DPCD: variants seen among roughly 807,000 people sequenced by gnomAD.
DPCD encodes the protein protein DPCD.
A neutral mutation model predicts 26.4 loss-of-function variants in DPCD; 20 were observed. The ratio of observed to expected loss-of-function variants is 0.76; its 90% CI spans 0.53 to 1.10. DPCD has a LOEUF of 1.10. DPCD is among the 50% of genes least tolerant of loss of function. The pLI is 0.00. For synonymous variants in DPCD, 97 were observed against 94.2 expected (o/e 1.03, Z -0.17); for missense variants, 202 against 253.9 (o/e 0.80, Z 1.39).
intron 2 of DPCD, among the ~76,000 whole-genome samples, chr10:101,599,195 A>G (rs979225580): frequency 6.6e-6 from 1 of 152,202 alleles, no homozygotes. Flanking sequence ...TTCCTATAGT[A>G]TAGAGTAGGG....
chr10:101,593,009 T>TAAAAAAAAAAAAAC (rs1554920603), intron 1 of DPCD, among the ~76,000 whole-genome samples: 13 of 147,336 alleles, frequency 8.8e-5, no homozygotes, highest in African/African-American at 2.3e-4. Context: ...CGAGACTCTG[T>TAAAAAAAAAAAAAC]CAAAAAAAAA....
At chr10:101,588,987 G>C (rs1380205614) in intron 1 of DPCD, among the ~76,000 whole-genome samples, 1 of 152,258 alleles carries the variant, frequency 6.6e-6, no homozygotes. Flanking sequence ...CAAGGGCTGT[G>C]CCTGGAAGAA....
intron 4 of DPCD, among the ~76,000 whole-genome samples, chr10:101,607,247 T>C (rs2134782729): frequency 6.6e-6 from 1 of 152,258 alleles, no homozygotes; most frequent in Admixed American, 6.5e-5. Context: ...CCTTTGACTC[T>C]CCCCTATTAT....
At chr10:101,591,886 A>G (rs547339964) in intron 1 of DPCD, among the ~76,000 whole-genome samples, 5 of 151,954 alleles carry the variant, frequency 3.3e-5, no homozygotes, top group Non-Finnish European at 5.9e-5. Flanking sequence ...GGGTTTCACC[A>G]TGTTAACCAG....
At chr10:101,606,159 T>TA (rs1267266213) in intron 4 of DPCD, among the ~76,000 whole-genome samples, 1 of 152,166 alleles carries the variant, frequency 6.6e-6, no homozygotes, top group Non-Finnish European at 1.5e-5. Context: ...TCAGCAGGGA[T>TA]ATGGCCTTGT....
intron 1 of DPCD, among the ~76,000 whole-genome samples, chr10:101,591,491 C>A (rs1376249848): frequency 1.3e-5 from 2 of 152,022 alleles, no homozygotes; most frequent in African/African-American, 2.4e-5. Context: ...CAGATTTACC[C>A]CTGGGTGTGT....
intron 2 of DPCD, among the ~76,000 whole-genome samples, chr10:101,595,163 C>T (rs943830317): frequency 6.6e-6 from 1 of 152,194 alleles, no homozygotes; most frequent in Non-Finnish European, 1.5e-5. Context: ...AGAGGCAGAG[C>T]TTCTGAGCTT....
At chr10:101,608,777 C>G (rs1412529641) in intron 4 of DPCD, 58 bp from the exon 5 acceptor site, 1 of 1,182,382 alleles carries the variant, frequency 8.5e-7, no homozygotes, top group Admixed American at 1.7e-5. Flanking sequence ...GAGGGCCTGA[C>G]GCCTGGCTGT....
intron 1 of DPCD, among the ~76,000 whole-genome samples, chr10:101,593,777 G>A (rs1407478053): frequency 1.3e-5 from 2 of 152,144 alleles, no homozygotes; most frequent in African/African-American, 4.8e-5. Flanking sequence ...TTTTAGTAGA[G>A]ATGGGGTTTC....
Position 101,605,051 on chromosome 10 carries a change from C to T in DPCD, c.404+3715C>T. 4 of 1,537,808 alleles carry T rather than the reference C, an allele frequency of 2.6e-6. No individual in the cohort carries two copies. In the South Asian group the frequency reaches 3.6e-5, roughly 14 times the overall value. On this transcript the variant is annotated intron_variant, in intron 4 of 5. Transcript: ENST00000370151. ...CTTTAGTATGTGTGTGTGATTGTGA[C>T]TGTCTAGCAGGGGGCGACTGTGGGT...
chr10:101,599,624 G>C (rs2063677614), intron 2 of DPCD, among the ~76,000 whole-genome samples: 1 of 152,228 alleles, frequency 6.6e-6, no homozygotes, highest in South Asian at 2.1e-4. Flanking sequence ...ATTTGACACA[G>C]CTGCTCAAAA....
chr10:101,603,543 A>G lies in DPCD; in HGVS notation c.404+2207A>G, dbSNP rs2063713744. 6.6e-6 allele frequency among the ~76,000 whole-genome samples: 1 copy of G among 151,804 alleles called. No homozygotes were observed. The highest frequency in any genetic ancestry group is 1.5e-5 in the Non-Finnish European group (1 of 67,974). ...GAAGCCAAGGCAGGTGGATCATCTGAGGTCAGGAGTTTGAGACCAGCCTGG... is the reference window on the plus strand; with the variant it reads ...GAAGCCAAGGCAGGTGGATCATCTGGGGTCAGGAGTTTGAGACCAGCCTGG... On this transcript the variant is annotated intron_variant, in intron 4 of 5. Coordinates refer to ENST00000370151, the MANE Select transcript of DPCD (RefSeq NM_015448.3). This position sits in a 1 kb window ranked among gnomAD's most constrained non-coding sequence, Gnocchi z 4.6.
chr10:101,609,506 G>A lies in DPCD; in HGVS notation c.*35G>A, dbSNP rs1564898121. On this transcript the variant is annotated 3_prime_UTR_variant, in exon 6 of 6. Transcript: ENST00000370151. The stretch of plus-strand genomic sequence containing the variant: ...GAGCCTTATACCTCCACCACAGGGG[G>A]TGCCGTGAGACTTCAAGGCTTGGCC... The A allele has an allele frequency of 6.3e-7, 1 of 1,587,550 alleles. No individual in the cohort carries two copies. Among genetic ancestry groups the A allele is most frequent in the Non-Finnish European group, 8.6e-7 (1 of 1,159,484 alleles).
chr10:101,594,289 T>C (rs1344066134), intron 1 of DPCD, among the ~76,000 whole-genome samples: 1 of 152,206 alleles, frequency 6.6e-6, no homozygotes, highest in Non-Finnish European at 1.5e-5. Context: ...GAGGCACACA[T>C]GAGGATGTGA....
At position 101,600,369 on chromosome 10, in the gene DPCD, A is replaced by G. The variant is rs1212380891; in HGVS notation, c.146-369A>G. On this transcript the variant is annotated intron_variant, in intron 2 of 5. Coordinates refer to ENST00000370151, the MANE Select transcript of DPCD (RefSeq NM_015448.3). This position sits in a 1 kb window ranked among gnomAD's most constrained non-coding sequence, Gnocchi z 4.7. ...TGCTTCAACTCCTTTTTGGGATCCAAATTTTCTCCATTACCAGAAACAACC... is the reference window on the plus strand; with the variant it reads ...TGCTTCAACTCCTTTTTGGGATCCAGATTTTCTCCATTACCAGAAACAACC... 2.0e-5 allele frequency among the ~76,000 whole-genome samples: 3 copies of G among 152,048 alleles called. No individual in the cohort carries two copies. Among genetic ancestry groups the G allele is most frequent in the Non-Finnish European group, 2.9e-5 (2 of 67,994 alleles).
rs753260026 is a variant in DPCD at position 101,608,885 on chromosome 10, T to C, written c.455T>C (p.Leu152Pro). 3 of 1,613,896 alleles carry C rather than the reference T, an allele frequency of 1.9e-6. No homozygotes were observed. The highest frequency in any genetic ancestry group is 1.7e-5 in the Admixed American group (1 of 60,008). Residue 152 changes from leucine (L) to proline (P), a missense_variant, in exon 5 of 6, where the codon CTG becomes CCG. By Grantham distance (98) the Leu-to-Pro change is moderately conservative. This residue lies in a region of DPCD where 118 missense variants were observed against 145.1 expected (regional missense o/e 0.81). Transcript: ENST00000370151. Reference protein sequence around the residue: ...IPDLDRHQLPLDDALLSFAHA... With the variant: ...IPDLDRHQLPPDDALLSFAHA... ...GATCTAGATAGACACCAGCTACCTC[T>C]GGATGACGCCTTGCTGAGCTTTGCC... is the stretch of plus-strand genomic sequence containing the variant.
At chr10:101,606,914 A>T (rs1301763565) in intron 4 of DPCD, among the ~76,000 whole-genome samples, 1 of 152,196 alleles carries the variant, frequency 6.6e-6, no homozygotes, top group African/African-American at 2.4e-5. Flanking sequence ...GAAGTTGGTT[A>T]ACCTCGACCA....
rs774226423 is a variant in DPCD, at chr10:101,601,355, AC to A, written c.404+22del. On this transcript the variant is annotated intron_variant, in intron 4 of 5. Coordinates refer to ENST00000370151, the MANE Select transcript of DPCD (RefSeq NM_015448.3). ...ACAAGAAGTGAGTAGCGTGGAAGGC[AC>A]CCTGTGTGCTTGTGTATGAGCGGGG... is the stretch of plus-strand genomic sequence containing the variant. 9.9e-6 allele frequency: 16 copies of A among 1,612,246 alleles called. No individual in the cohort carries two copies. The East Asian group carries it at 3.1e-4, about 32-fold the overall frequency.
chr10:101,591,001 A>G (rs769020923), intron 1 of DPCD, among the ~76,000 whole-genome samples: 1 of 152,090 alleles, frequency 6.6e-6, no homozygotes, highest in Non-Finnish European at 1.5e-5. Flanking sequence ...TGGCCCCTTT[A>G]CTTGTTTGGA....
Sources: gnomAD v4.1 joint callset for allele counts (sites outside exome capture counted in the v4.1 genomes callset) on GRCh38, gnomAD v4.1.1 for gene constraint, gnomAD v4.1.1 regional missense constraint, Gnocchi (gnomAD v3.1) non-coding constraint, MANE v1.5 for transcripts, NCBI Gene and HGNC (gene_info 2026-07-23, HGNC 2026-07-21) for gene names.